The following ZNF808 variants were observed in gnomAD, a reference collection of about 807,000 sequenced individuals.
The protein encoded by ZNF808 is zinc finger protein 808.
Under a neutral mutation model 8.7 loss-of-function variants are expected in ZNF808, and 5 were observed. That is an observed-to-expected ratio of 0.58 (90% CI 0.30 to 1.21). The LOEUF (loss-of-function observed/expected upper bound fraction) is 1.21, where lower values mean the gene tolerates loss of function less well. Among genes scored for constraint, ZNF808 ranks in the 50% most tolerant of loss-of-function variants. ZNF808 has a pLI of 0.07. For missense variants in ZNF808, 1,103 were observed against 1,098.4 expected (o/e 1.00, Z -0.06); for synonymous variants, 380 against 366.0 (o/e 1.04, Z -0.44).
chr19:52,533,146 A>ATTTTT (rs2059575620), intron 2 of ZNF808, 137 bp downstream of exon 2: 1 of 151,804 alleles, frequency 6.6e-6, no homozygotes, highest in Non-Finnish European at 1.5e-5. Context: ...TTGCAAGTGC[A>ATTTTT]TTTTCTGTTT....
chr19:52,564,968 C>G (rs2059869577), downstream of ZNF808, among the ~76,000 whole-genome samples: 1 of 152,116 alleles, frequency 6.6e-6, no homozygotes, highest in South Asian at 2.1e-4. Flanking sequence ...GGCCTATAGT[C>G]CCAGCTACTC....
rs537955616 is a variant in ZNF808, at chr19:52,550,028, TCTC to T, written c.190+2393_190+2395del. 5.3e-3 allele frequency among the ~76,000 whole-genome samples: 811 copies of T among 152,238 alleles called. 5 individuals are homozygous for T. Among genetic ancestry groups the T allele is most frequent in the African/African-American group, 0.018 (746 of 41,564 alleles). ...TCCCCCTTGATGTACTTCTATCTGT[TCTC>T]CTTGTATTTTCTGGTCTGGTCATTT... On this transcript the variant is annotated intron_variant, in intron 4 of 4. Transcript: ENST00000359798.
Position 52,539,178 on chromosome 19 carries a change from C to G in ZNF808, c.-19-4088C>G, listed in dbSNP as rs1471878031. 2.3e-5 allele frequency among the ~76,000 whole-genome samples: 3 copies of G among 130,076 alleles called. No individual in the cohort carries two copies. The East Asian group carries it at 6.9e-4, about 30-fold the overall frequency. 85.3% of individuals were successfully genotyped at this position (130,076 alleles called of 152,430 possible). A position where few individuals can be genotyped will look rare whatever the true frequency, so the allele number is the denominator to read the frequency against. On this transcript the variant is annotated intron_variant, in intron 2 of 4. Transcript: ENST00000359798. ...GGTTTCCTTTTTTCTAGTTCCTCTT[C>G]ATTTCATTTTTTTTTTTTTTTTTTT...
chr19:52,536,914 C>G (rs1396055045), intron 2 of ZNF808, among the ~76,000 whole-genome samples: 6 of 152,154 alleles, frequency 3.9e-5, no homozygotes, highest in African/African-American at 7.2e-5. Context: ...GGACCGGGCG[C>G]TTTGGCTCAT....
chr19:52,552,746 G>T (rs1447720579), intron 4 of ZNF808, among the ~76,000 whole-genome samples: 2 of 149,154 alleles, frequency 1.3e-5, no homozygotes, highest in African/African-American at 2.5e-5. Flanking sequence ...AGTAAATATG[G>T]TTTAAATATG....
intron 3 of ZNF808, among the ~76,000 whole-genome samples, chr19:52,544,985 C>T (rs2059707574): frequency 6.6e-6 from 1 of 152,062 alleles, no homozygotes; most frequent in Non-Finnish European, 1.5e-5. Flanking sequence ...GGGGTTTCAC[C>T]GTATTGGTCA....
chr19:52,540,501 G>C (rs2059660373), intron 2 of ZNF808, among the ~76,000 whole-genome samples: 1 of 152,000 alleles, frequency 6.6e-6, no homozygotes, highest in Admixed American at 6.6e-5. Flanking sequence ...TATGTTGTTA[G>C]GTTGTTTCAG....
chr19:52,543,620 A>G (rs867579871), intron 3 of ZNF808, among the ~76,000 whole-genome samples: 1 of 152,094 alleles, frequency 6.6e-6, no homozygotes, highest in African/African-American at 2.4e-5. Flanking sequence ...GTGGATAAAC[A>G]TGGGGTGTGG....
chr19:52,555,250 T>C lies in ZNF808; in HGVS notation c.2334T>C (p.Leu778=), dbSNP rs773789528. 4 of 1,614,084 alleles carry C rather than the reference T, an allele frequency of 2.5e-6. No individual in the cohort carries two copies. The South Asian group carries it at 3.3e-5, about 13-fold the overall frequency. The change falls in exon 5 of 5, where the codon CTT becomes CTC. Residue 778 remains leucine (L), a synonymous_variant. Transcript: ENST00000359798. ...ATACCTTCCGTCACTGGTCATCCCT[T>C]GTATACCATCGTAGACTTCATACTG... ...CGNTFRHWSS[L]VYHRRLHTGE...
chr19:52,545,780 GAA>G (rs369042987), intron 3 of ZNF808, among the ~76,000 whole-genome samples: 3 of 144,882 alleles, frequency 2.1e-5, no homozygotes, highest in Non-Finnish European at 4.5e-5. Flanking sequence ...ACTCCATCTG[GAA>G]AAAAAAAAAA....
At chr19:52,536,959 G>T (rs1270709786) in intron 2 of ZNF808, among the ~76,000 whole-genome samples, 2 of 152,078 alleles carry the variant, frequency 1.3e-5, no homozygotes, top group African/African-American at 2.4e-5. Flanking sequence ...AGCTTAGGCG[G>T]GCGGATCACC....
In ZNF808 at chr19:52,529,074, C is replaced by T. The variant is rs12327753; in HGVS notation, c.-122+1363C>T. ...ATATGTACAGAATTAGGGAGGGAAG[C>T]GCAGTAATGAAGAAAGGGGGGCTAG... On this transcript the variant is annotated intron_variant, in intron 1 of 4. Transcript: ENST00000359798. Among the ~76,000 whole-genome samples the T allele has an allele frequency of 5.6e-3, 845 of 151,698 alleles. 2 individuals carry two copies. The highest frequency in any genetic ancestry group is 0.019 in the African/African-American group (768 of 41,338).
intron 1 of ZNF808, among the ~76,000 whole-genome samples, chr19:52,528,166 C>G (rs953423983): frequency 3.3e-5 from 5 of 152,172 alleles, no homozygotes; most frequent in African/African-American, 7.2e-5. Context: ...GCCGTCCCCC[C>G]TCCTCCCACC....
At chr19:52,549,327 G>C (rs1337994496) in intron 4 of ZNF808, among the ~76,000 whole-genome samples, 1 of 152,020 alleles carries the variant, frequency 6.6e-6, no homozygotes, top group East Asian at 1.9e-4. Context: ...GGGGATCCTT[G>C]TTCACCCCCA....
chr19:52,558,435 G>C (rs1600049128), downstream of ZNF808, among the ~76,000 whole-genome samples: 2 of 148,564 alleles, frequency 1.3e-5, no homozygotes, highest in Non-Finnish European at 3.0e-5. Flanking sequence ...GCAGTGGTGT[G>C]ATCTCGGCTC....
At chr19:52,549,122 T>C (rs996315084) in intron 4 of ZNF808, among the ~76,000 whole-genome samples, 1 of 152,130 alleles carries the variant, frequency 6.6e-6, no homozygotes, top group Non-Finnish European at 1.5e-5. Flanking sequence ...ATTACACACA[T>C]GCACCACCAT....
At chr19:52,540,110 CA>C (rs1163680505) in intron 2 of ZNF808, among the ~76,000 whole-genome samples, 1 of 152,086 alleles carries the variant, frequency 6.6e-6, no homozygotes, top group Non-Finnish European at 1.5e-5. Flanking sequence ...CTCCTGGGGT[CA>C]AGCGATTTTC....
chr19:52,556,938 T>C (rs1400928555), downstream of ZNF808, among the ~76,000 whole-genome samples: 1 of 152,064 alleles, frequency 6.6e-6, no homozygotes, highest in East Asian at 1.9e-4. Flanking sequence ...TGGCATAGAA[T>C]GCTCCTCCAA....
intron 2 of ZNF808, among the ~76,000 whole-genome samples, chr19:52,539,184 AT>A (rs3049209): frequency 0.025 from 2,978 of 117,726 alleles, 49 homozygotes; most frequent in African/African-American, 0.069. Flanking sequence ...TCTTCATTTC[AT>A]TTTTTTTTTT....
Sources: gnomAD v4.1 joint callset for allele counts (sites outside exome capture counted in the v4.1 genomes callset) on GRCh38, gnomAD v4.1.1 for gene constraint, MANE v1.5 for transcripts, NCBI Gene and HGNC (gene_info 2026-07-23, HGNC 2026-07-21) for gene names.